IGDCC4: variants seen among roughly 807,000 people sequenced by gnomAD.
The protein encoded by IGDCC4 is immunoglobulin superfamily DCC subclass member 4.
In IGDCC4, 72 loss-of-function variants were observed where a neutral mutation model predicts 116.6. The ratio of observed to expected loss-of-function variants is 0.62; its 90% confidence interval spans 0.51 to 0.75. The LOEUF is 0.75. Among genes scored for constraint, IGDCC4 ranks in the 30% least tolerant of loss-of-function variants. The probability of loss-of-function intolerance (pLI) is 0.00; values close to 1 mark genes in which losing one functional copy is unlikely to be tolerated. For missense variants in IGDCC4, 1,501 were observed against 1,662.4 expected (o/e 0.90, Z 1.69); for synonymous variants, 709 against 719.9 (o/e 0.98, Z 0.24).
chr15:65,401,013 G>A, intron 4 of IGDCC4, 67 bp from the exon 5 acceptor site: 2 of 1,597,166 alleles, frequency 1.3e-6, no homozygotes, highest in Non-Finnish European at 1.7e-6. Flanking sequence ...CCTCACCTGA[G>A]TCTCACAGTA....
rs779593483 is a variant in IGDCC4, at chr15:65,411,239, T to C, written c.202A>G (p.Thr68Ala). The C allele has an allele frequency of 6.8e-6, 11 of 1,613,984 alleles. No individual in the cohort carries two copies. Among genetic ancestry groups the C allele is most frequent in the Non-Finnish European group, 9.3e-6 (11 of 1,180,006 alleles). ...CCATCCTTGCTCCAGGTCACCCTGG[T>C]GGGGGGTCCAGCGGCAGCAGCCCCC... ...SLGAAAAGPP[T>A]RVTWSKDGDT... The change falls in exon 2 of 20, where the codon ACC (threonine) becomes GCC (alanine). Residue 68 changes from threonine (T) to alanine (A), a missense_variant. Physicochemically the swap from Thr to Ala is moderately conservative, Grantham distance 58. This residue lies in a region of IGDCC4 where 898 missense variants were observed against 978.9 expected (regional missense o/e 0.92). Coordinates refer to ENST00000352385, the MANE Select transcript of IGDCC4 (RefSeq NM_020962.3).
chr15:65,410,657 G>C (rs184193749), intron 2 of IGDCC4: 3 of 458,452 alleles, frequency 6.5e-6, no homozygotes, highest in Non-Finnish European at 1.2e-5. Context: ...GTGGGGTTTG[G>C]CTCCACATGT....
In IGDCC4 at chr15:65,385,842, A is replaced by G; in HGVS notation, c.3169T>C (p.Ser1057Pro). ...GGGCTCTGACTTACCTTTCTTTTGG[A>G]GTGACTCCGGCCTTCAGAAACACCG... ...GGGVSEGRSH[S>P]KRKISWAQPS... Residue 1057 changes from serine to proline, a missense_variant, in exon 18 of 20, where the codon TCC (serine) becomes CCC (proline). Physicochemically the swap from Ser to Pro is moderately conservative, Grantham distance 74 (BLOSUM62 -1). This residue lies in a region of IGDCC4 where 368 missense variants were observed against 355.6 expected (regional missense o/e 1.03). Coordinates refer to ENST00000352385, the MANE Select transcript of IGDCC4 (RefSeq NM_020962.3). The G allele has an allele frequency of 6.2e-7, 1 of 1,612,132 alleles. No individual in the cohort carries two copies. Among genetic ancestry groups the G allele is most frequent in the Non-Finnish European group, 8.5e-7 (1 of 1,179,700 alleles).
chr15:65,416,619 C>A (rs1324088082), intron 1 of IGDCC4, among the ~76,000 whole-genome samples: 2 of 152,062 alleles, frequency 1.3e-5, no homozygotes, highest in Non-Finnish European at 2.9e-5. Flanking sequence ...ATGGCTGACC[C>A]CCAACATTTT....
chr15:65,408,472 C>T (rs1208650463), intron 3 of IGDCC4, among the ~76,000 whole-genome samples: 1 of 152,170 alleles, frequency 6.6e-6, no homozygotes, highest in African/African-American at 2.4e-5. Context: ...TCCCAGGGTT[C>T]ACCCTCTAGA....
In IGDCC4 at chr15:65,382,951, G is replaced by T. The variant is rs1567077182; in HGVS notation, c.*1058C>A. 1 of 152,336 alleles carries T rather than the reference G, an allele frequency of 6.6e-6. No individual in the cohort carries two copies. 9.4% of individuals were successfully genotyped at this position (152,336 alleles called of 1,614,324 possible). On this transcript the variant is annotated 3_prime_UTR_variant, in exon 20 of 20. Transcript: ENST00000352385. Reference sequence around the variant, plus strand: ...CTCAAACATTCCCCTCTATGACTTGGATCCATCCATGGAGAACCCTTGGAT... The same window carrying T: ...CTCAAACATTCCCCTCTATGACTTGTATCCATCCATGGAGAACCCTTGGAT...
Position 65,383,736 on chromosome 15 carries a change from C to T in IGDCC4, c.*273G>A. On this transcript the variant is annotated 3_prime_UTR_variant, in exon 20 of 20. Transcript: ENST00000352385. ...CACTGCCTGGGCCACGGTTTCCCAGCTCAACAACCAGTACGCATACATGCA... is the reference window on the plus strand; with the variant it reads ...CACTGCCTGGGCCACGGTTTCCCAGTTCAACAACCAGTACGCATACATGCA... 1 of 349,062 alleles carries T rather than the reference C, an allele frequency of 2.9e-6. No individual in the cohort carries two copies. The highest frequency in any genetic ancestry group is 7.5e-4 in the Middle Eastern group (1 of 1,328). 21.6% of individuals were successfully genotyped at this position (349,062 alleles called of 1,614,324 possible).
At chr15:65,396,769 C>A in intron 6 of IGDCC4, 65 bp downstream of exon 6, 1 of 1,526,312 alleles carries the variant, frequency 6.6e-7, no homozygotes, top group South Asian at 1.2e-5. Context: ...ACCCGTCCAC[C>A]TCCCCCTGCT....
Position 65,394,357 on chromosome 15 carries a change from C to T in IGDCC4, c.1714+54G>A, listed in dbSNP as rs1362884308. The T allele has an allele frequency of 3.1e-6, 5 of 1,607,212 alleles. No individual in the cohort carries two copies. In the African/African-American group the frequency reaches 5.3e-5, roughly 17 times the overall value. ...CTCAGGTCTCCAGCAGCCCTGACAG[C>T]TCTTCACGTTGATCATTCCCATACA... On this transcript the variant is annotated intron_variant, in intron 9 of 19. Coordinates refer to ENST00000352385, the MANE Select transcript of IGDCC4 (RefSeq NM_020962.3).
rs763496468 is a variant in IGDCC4, at chr15:65,422,800, G to A, written c.63C>T (p.Ala21=). ...GLLALTFCLL[A]ARGELLLPQE... ...CCGGGCGCCCGCCCTTACCGCGCGC[G>A]GCCAACAGGCAGAAGGTCAACGCGA... The change falls in exon 1 of 20, where the codon GCC becomes GCT. Residue 21 remains alanine, a synonymous_variant. Transcript: ENST00000352385. 3.4e-5 allele frequency: 45 copies of A among 1,318,974 alleles called. No homozygotes were observed. The highest frequency in any genetic ancestry group is 3.9e-5 in the Admixed American group (1 of 25,828). The allele number at this position is 1,318,974 out of a possible 1,614,324, so 81.7% of individuals were successfully genotyped here.
At position 65,383,954 on chromosome 15, in the gene IGDCC4, T is replaced by TA; in HGVS notation, c.*54_*55insT. 2.7e-6 allele frequency: 4 copies of TA among 1,458,890 alleles called. No individual in the cohort carries two copies. In the African/African-American group the frequency reaches 4.2e-5, roughly 15 times the overall value. The allele number at this position is 1,458,890 out of a possible 1,614,324, so 90.4% of individuals were successfully genotyped here. On this transcript the variant is annotated 3_prime_UTR_variant, in exon 20 of 20. Coordinates refer to ENST00000352385, the MANE Select transcript of IGDCC4 (RefSeq NM_020962.3). ...ATGTGGACATACACGGCCACAGGTA[T>TA]CGCATCCTATGTGATCCATACCTGC...
Position 65,383,654 on chromosome 15 carries a change from G to T in IGDCC4, c.*355C>A. 4.9e-6 allele frequency: 1 copy of T among 202,390 alleles called. No homozygotes were observed. The highest frequency in any genetic ancestry group is 9.9e-6 in the Non-Finnish European group (1 of 101,384). 12.5% of individuals were successfully genotyped at this position (202,390 alleles called of 1,614,324 possible). ...TGGAGGTGGGGGCCCACAGGGCTGG[G>T]GACTGACCACTGTGGGGCACCGTTC... On this transcript the variant is annotated 3_prime_UTR_variant, in exon 20 of 20. Transcript: ENST00000352385.
chr15:65,400,867 A>G lies in IGDCC4; in HGVS notation c.780T>C (p.Ser260=). Residue 260 remains serine, a synonymous_variant, in exon 5 of 20, where the codon AGT becomes AGC. Transcript: ENST00000352385. ...CTGAGGCCACACATTCCATCACCAC[A>G]CTCTGGCCAGACACCACTGTGGTGT... The part of the protein sequence containing the change: ...PENTTVVSGQ[S]VVMECVASAD... 1 of 1,612,606 alleles carries G rather than the reference A, an allele frequency of 6.2e-7. No homozygotes were observed. The highest frequency in any genetic ancestry group is 8.5e-7 in the Non-Finnish European group (1 of 1,179,506).
rs116680454 is a variant in IGDCC4 at position 65,411,197 on chromosome 15, G to T, written c.244C>A (p.His82Asn). ...TTGGGCAGCAGGTGTAAGTGGTCGT[G>T]CTCCAGCAGGGTGTCCCCATCCTTG... The part of the protein sequence containing the change: ...WSKDGDTLLE[H>N]DHLHLLPNGS... The change falls in exon 2 of 20, where the codon CAC becomes AAC. Residue 82 changes from histidine (H) to asparagine (N), a missense_variant. Physicochemically the swap from His to Asn is moderately conservative, Grantham distance 68. Around this residue, in one of 3 missense-constraint regions of IGDCC4, gnomAD observed 898 missense variants for 978.9 expected, o/e 0.92. Coordinates refer to ENST00000352385, the MANE Select transcript of IGDCC4 (RefSeq NM_020962.3). 202 of 1,614,206 alleles carry T rather than the reference G, an allele frequency of 1.3e-4. No individual in the cohort carries two copies. In the African/African-American group the frequency reaches 2.1e-3, roughly 17 times the overall value.
rs189579925 is a variant in IGDCC4 at position 65,415,350 on chromosome 15, G to A, written c.71-3980C>T. Among the ~76,000 whole-genome samples, 8 of 152,344 alleles carry A rather than the reference G, an allele frequency of 5.3e-5. No individual in the cohort carries two copies. The East Asian group carries it at 1.4e-3, about 26-fold the overall frequency. ...GCTGCTGGGTATGTCAGCAGCCTGG[G>A]CTCTGGCAGGCAGGACGGCCGCCAG... is the stretch of plus-strand genomic sequence containing the variant. On this transcript the variant is annotated intron_variant, in intron 1 of 19. Coordinates refer to ENST00000352385, the MANE Select transcript of IGDCC4 (RefSeq NM_020962.3).
chr15:65,398,530 T>G (rs1280802955), intron 5 of IGDCC4, among the ~76,000 whole-genome samples: 1 of 51,518 alleles, frequency 1.9e-5, no homozygotes, highest in Non-Finnish European at 3.1e-5. Flanking sequence ...CAAAACTCCA[T>G]CTCAAAAAAA....
At chr15:65,404,286 C>T (rs2063019686) in intron 3 of IGDCC4, among the ~76,000 whole-genome samples, 1 of 152,180 alleles carries the variant, frequency 6.6e-6, no homozygotes, top group Admixed American at 6.5e-5. Context: ...AGCCTCTCAC[C>T]CTCAGCTCCA....
At position 65,395,818 on chromosome 15, in the gene IGDCC4, G is replaced by A. The variant is rs761212182; in HGVS notation, c.1343C>T (p.Ala448Val). Residue 448 changes from alanine to valine, a missense_variant, in exon 7 of 20, where the codon GCC (alanine) becomes GTC (valine). This residue lies in a region of IGDCC4 where 898 missense variants were observed against 978.9 expected (regional missense o/e 0.92). Coordinates refer to ENST00000352385, the MANE Select transcript of IGDCC4 (RefSeq NM_020962.3). ...GCTGTGCATCTCGGGCCGCTCCCAGGCCACCAACACAGCGGAGCTGCTCAG... is the reference window on the plus strand; with the variant it reads ...GCTGTGCATCTCGGGCCGCTCCCAGACCACCAACACAGCGGAGCTGCTCAG... Reference protein sequence around the residue: ...TPLSSSAVLVAWERPEMHSEQ... With the variant: ...TPLSSSAVLVVWERPEMHSEQ... 2.2e-5 allele frequency: 34 copies of A among 1,515,546 alleles called. No individual in the cohort carries two copies. Among genetic ancestry groups the A allele is most frequent in the South Asian group, 1.5e-4 (12 of 82,260 alleles). 93.9% of individuals were successfully genotyped at this position (1,515,546 alleles called of 1,614,324 possible).
chr15:65,388,949 G>C lies in IGDCC4; in HGVS notation c.2566C>G (p.Leu856Val). 6.2e-7 allele frequency: 1 copy of C among 1,609,592 alleles called. No homozygotes were observed. Among genetic ancestry groups the C allele is most frequent in the Non-Finnish European group, 8.5e-7 (1 of 1,178,128 alleles). The part of the protein sequence containing the change: ...RPSTPPSDLR[L>V]SPLTPSTVRL... The stretch of plus-strand genomic sequence containing the variant: ...ACCGTGGACGGTGTCAGGGGGCTCA[G>C]TCGCAGGTCGGATGGGGGTGTGGAG... Residue 856 changes from leucine to valine, a missense_variant, in exon 15 of 20, where the codon CTG becomes GTG. Physicochemically the swap from Leu to Val is conservative, Grantham distance 32. Coordinates refer to ENST00000352385, the MANE Select transcript of IGDCC4 (RefSeq NM_020962.3).
Sources: gnomAD v4.1 joint callset for allele counts (sites outside exome capture counted in the v4.1 genomes callset) on GRCh38, gnomAD v4.1.1 for gene constraint, gnomAD v4.1.1 regional missense constraint, MANE v1.5 for transcripts, NCBI Gene and HGNC (gene_info 2026-07-23, HGNC 2026-07-21) for gene names.